The following MGLL variants were observed in gnomAD, a reference collection of about 807,000 sequenced individuals.
The protein encoded by MGLL is lysophospholipase homolog.
MGLL carries 7 observed loss-of-function variants against 29.1 expected under a neutral mutation model. The ratio of observed to expected loss-of-function variants is 0.24; its 90% CI spans 0.14 to 0.45. MGLL has a LOEUF of 0.45. Among genes scored for constraint, MGLL ranks in the 20% least tolerant of loss-of-function variants. MGLL has a pLI of 0.99. For synonymous variants in MGLL, 148 were observed against 168.3 expected (o/e 0.88, Z 0.93); for missense variants, 356 against 413.6 (o/e 0.86, Z 1.21).
At chr3:127,764,019 G>A (rs769190078) in intron 3 of MGLL, among the ~76,000 whole-genome samples, 1 of 152,146 alleles carries the variant, frequency 6.6e-6, no homozygotes. Flanking sequence ...CCAGCTTCTC[G>A]GAGCTTGCAT....
intron 3 of MGLL, among the ~76,000 whole-genome samples, chr3:127,732,776 G>A (rs188799090): frequency 7.2e-5 from 11 of 152,336 alleles, no homozygotes; most frequent in African/African-American, 2.4e-4. Context: ...GCTGGGCAGA[G>A]GCTAACCCTG....
At chr3:127,780,845 A>G (rs956904125) in intron 3 of MGLL, among the ~76,000 whole-genome samples, 6 of 152,246 alleles carry the variant, frequency 3.9e-5, no homozygotes. Context: ...TCTGGGCCAC[A>G]ATGATAGAAT....
At chr3:127,785,311 A>G (rs1455741626) in intron 2 of MGLL, among the ~76,000 whole-genome samples, 1 of 152,096 alleles carries the variant, frequency 6.6e-6, no homozygotes, top group Non-Finnish European at 1.5e-5. Context: ...GTTGCCACGA[A>G]TACAGCTGGC....
At chr3:127,697,191 AG>A (rs2075384630) in intron 6 of MGLL, among the ~76,000 whole-genome samples, 1 of 152,170 alleles carries the variant, frequency 6.6e-6, no homozygotes, top group Non-Finnish European at 1.5e-5. Flanking sequence ...GCCCAACCAC[AG>A]GGGGTGCTTC....
chr3:127,745,534 T>C (rs995166590), intron 3 of MGLL, among the ~76,000 whole-genome samples: 5 of 152,182 alleles, frequency 3.3e-5, no homozygotes, highest in Admixed American at 2.6e-4. Context: ...TGACAGACAC[T>C]GGAGGCGTGG....
chr3:127,701,533 G>A lies in MGLL; in HGVS notation c.601-6343C>T, dbSNP rs1418605526. Among the ~76,000 whole-genome samples the A allele has an allele frequency of 2.4e-4, 36 of 152,146 alleles. 1 individual carries two copies. The highest frequency in any genetic ancestry group is 2.4e-3 in the Admixed American group (36 of 15,280). On this transcript the variant is annotated intron_variant, in intron 6 of 7. Coordinates refer to ENST00000265052, the MANE Select transcript of MGLL (RefSeq NM_007283.7). ...TGGTGCTTCCCATGGGGGCTGCAGG[G>A]CAAAGTCCTAACTTCTTGGTATGGC...
chr3:127,705,239 G>A (rs572119986), intron 6 of MGLL, among the ~76,000 whole-genome samples: 1 of 152,176 alleles, frequency 6.6e-6, no homozygotes, highest in South Asian at 2.1e-4. Context: ...GGCACGGGGG[G>A]AGGGAGAGCA....
rs1396568664 is a variant in MGLL at position 127,689,103 on chromosome 3, G to A, written c.*3095C>T. 3 of 152,260 alleles carry A rather than the reference G, an allele frequency of 2.0e-5. No homozygotes were observed. The highest frequency in any genetic ancestry group is 4.4e-5 in the Non-Finnish European group (3 of 68,066). 9.4% of individuals were successfully genotyped at this position (152,260 alleles called of 1,614,324 possible). ...CGGATTTATTAGGATTAGCTGTAGT[G>A]TACACTGATTCCTTTAGCTCTAAAT... is the stretch of plus-strand genomic sequence containing the variant. On this transcript the variant is annotated 3_prime_UTR_variant, in exon 8 of 8. Coordinates refer to ENST00000265052, the MANE Select transcript of MGLL (RefSeq NM_007283.7).
chr3:127,765,702 C>T (rs2076843725), intron 3 of MGLL, among the ~76,000 whole-genome samples: 1 of 152,250 alleles, frequency 6.6e-6, no homozygotes, highest in African/African-American at 2.4e-5. Flanking sequence ...CCCAACATCA[C>T]TGAAGGGAAG....
intron 2 of MGLL, among the ~76,000 whole-genome samples, chr3:127,792,251 C>T (rs911274085): frequency 2.0e-5 from 3 of 152,134 alleles, no homozygotes; most frequent in Non-Finnish European, 4.4e-5. Context: ...GCCAAAAGTC[C>T]ATTGCTGTGG....
chr3:127,770,012 A>G (rs993446749), intron 3 of MGLL, among the ~76,000 whole-genome samples: 3 of 152,138 alleles, frequency 2.0e-5, no homozygotes, highest in Non-Finnish European at 4.4e-5. Context: ...CTCTCTTCAT[A>G]ACTATCCTCC....
intron 2 of MGLL, among the ~76,000 whole-genome samples, chr3:127,808,680 C>T (rs1427746438): frequency 6.6e-6 from 1 of 152,224 alleles, no homozygotes; most frequent in Non-Finnish European, 1.5e-5. Context: ...AGGCAACCAA[C>T]CAATGCCTAC....
At chr3:127,803,030 G>A (rs929532253) in intron 2 of MGLL, among the ~76,000 whole-genome samples, 12 of 151,910 alleles carry the variant, frequency 7.9e-5, no homozygotes, top group East Asian at 5.8e-4. Flanking sequence ...CCCAGGCTGG[G>A]GTGCAGTGGC....
chr3:127,707,771 C>G (rs79461013), intron 6 of MGLL, among the ~76,000 whole-genome samples: 1 of 152,236 alleles, frequency 6.6e-6, no homozygotes, highest in African/African-American at 2.4e-5. Flanking sequence ...TCCTCTTATG[C>G]CTTTTTTCCT....
rs147542073 is a variant in MGLL at position 127,699,089 on chromosome 3, G to A, written c.601-3899C>T. On this transcript the variant is annotated intron_variant, in intron 6 of 7. Transcript: ENST00000265052. ...GGTTGGGAGTATGGTAAGGCTCTAC[G>A]CCTTCCTGGGCCTCAGTTTCCCCAT... is the stretch of plus-strand genomic sequence containing the variant. Among the ~76,000 whole-genome samples the A allele has an allele frequency of 4.1e-3, 625 of 152,336 alleles. 2 individuals carry two copies. Among genetic ancestry groups the A allele is most frequent in the South Asian group, 0.016 (77 of 4,822 alleles).
In MGLL at chr3:127,821,729, G is replaced by T; in HGVS notation, c.120C>A (p.Leu40=). The change falls in exon 2 of 8, where the codon CTC becomes CTA. Residue 40 remains leucine (L), a synonymous_variant. Coordinates refer to ENST00000265052, the MANE Select transcript of MGLL (RefSeq NM_007283.7). Reference sequence around the variant, plus strand: ...CTGTGGGTTTCCAGTACCTGCAGAAGAGGTACTGTCCGTCTGCATTGACCA... The same window carrying T: ...CTGTGGGTTTCCAGTACCTGCAGAATAGGTACTGTCCGTCTGCATTGACCA... ...PHLVNADGQY[L]FCRYWKPTGT... 6.2e-7 allele frequency: 1 copy of T among 1,614,150 alleles called. No homozygotes were observed. The highest frequency in any genetic ancestry group is 8.5e-7 in the Non-Finnish European group (1 of 1,179,996).
intron 3 of MGLL, among the ~76,000 whole-genome samples, chr3:127,758,447 G>A (rs544606702): frequency 6.2e-4 from 95 of 152,330 alleles, no homozygotes; most frequent in African/African-American, 2.1e-3. Flanking sequence ...TAGACTGAAC[G>A]AATGAATAAA....
At chr3:127,809,944 A>G (rs1051635394) in intron 2 of MGLL, among the ~76,000 whole-genome samples, 4 of 152,188 alleles carry the variant, frequency 2.6e-5, no homozygotes, top group African/African-American at 9.7e-5. Flanking sequence ...TCCTTGTCCA[A>G]TTCTAGACAT....
At chr3:127,791,520 G>A (rs1029925041) in intron 2 of MGLL, among the ~76,000 whole-genome samples, 4 of 152,138 alleles carry the variant, frequency 2.6e-5, no homozygotes, top group Admixed American at 6.5e-5. Context: ...CCCCTACCCC[G>A]AAAGGGAAGG....
Sources: allele counts gnomAD v4.1 joint callset (sites outside exome capture counted in the v4.1 genomes callset), GRCh38; gene constraint gnomAD v4.1.1; transcripts MANE v1.5; gene names NCBI Gene and HGNC (gene_info 2026-07-23, HGNC 2026-07-21).